GPHN: variants seen among roughly 807,000 people sequenced by gnomAD.
GPHN encodes gephyrin.
A neutral mutation model predicts 95.5 loss-of-function variants in GPHN; 17 were observed. The ratio of observed to expected loss-of-function variants is 0.18; its 90% CI spans 0.12 to 0.27. GPHN has a LOEUF of 0.27. Ranked by LOEUF, GPHN falls within the 10% of genes least tolerant of loss-of-function variation. The pLI, the probability that GPHN is intolerant of heterozygous loss-of-function variation, is 1.00. For missense variants in GPHN, 660 were observed against 978.1 expected, an observed-to-expected ratio of 0.67 and a Z score of 4.34; for synonymous variants, 320 against 322.5, an observed-to-expected ratio of 0.99 and a Z score of 0.08.
chr14:66,861,105 A>G (rs1042021100), intron 4 of GPHN, among the ~76,000 whole-genome samples: 12 of 152,108 alleles, frequency 7.9e-5, no homozygotes, highest in East Asian at 5.8e-4. Flanking sequence ...AATGAATGAA[A>G]AAACAAGACT....
the GPHN span, chr14:67,254,218 A>G: frequency 7.5e-6 from 1 of 133,956 alleles, no homozygotes; most frequent in Admixed American, 7.9e-5. Flanking sequence ...TAAGTTTCTT[A>G]AGGATACGGA....
In GPHN at chr14:66,842,898, C is replaced by T. The variant is rs111857389; in HGVS notation, c.294+18332C>T. On this transcript the variant is annotated intron_variant, in intron 4 of 22. Coordinates refer to ENST00000478722, the MANE Select transcript of GPHN (RefSeq NM_020806.5). ...TATCCCTGGGCAATAGAGTTCAGAT[C>T]CATCTGCTATTTCCATTTGTGTGCT... is the stretch of plus-strand genomic sequence containing the variant. Among the ~76,000 whole-genome samples the T allele has an allele frequency of 1.5e-3, 230 of 152,190 alleles. 1 individual carries two copies. The highest frequency in any genetic ancestry group is 5.5e-3 in the African/African-American group (228 of 41,526).
intron 1 of GPHN, among the ~76,000 whole-genome samples, chr14:66,631,443 A>G (rs183236867): frequency 3.0e-4 from 46 of 152,268 alleles, no homozygotes; most frequent in African/African-American, 1.1e-3. Flanking sequence ...AACTTCAAGT[A>G]ATTTTTGTTT....
the GPHN span, among the ~76,000 whole-genome samples, chr14:67,544,500 C>A: frequency 6.6e-6 from 1 of 152,156 alleles, no homozygotes; most frequent in Non-Finnish European, 1.5e-5. Context: ...AGGAAATAAT[C>A]TACAATGAGT....
intron 1 of GPHN, among the ~76,000 whole-genome samples, chr14:66,529,234 A>G (rs899077019): frequency 6.6e-6 from 1 of 150,878 alleles, no homozygotes; most frequent in African/African-American, 2.4e-5. Context: ...CTCTGATATC[A>G]TTTCTTCTGC....
the GPHN span, among the ~76,000 whole-genome samples, chr14:67,495,184 G>A: frequency 6.6e-6 from 1 of 152,174 alleles, no homozygotes; most frequent in Non-Finnish European, 1.5e-5. Flanking sequence ...GGTCATCAGA[G>A]GTCTCCACTG....
At chr14:67,678,142 C>G in the GPHN span, 1 of 545,988 alleles carries the variant, frequency 1.8e-6, no homozygotes, top group East Asian at 3.1e-5. Flanking sequence ...CTGGACATGA[C>G]AGACATTTAG....
chr14:67,016,327 TATA>T (rs1804074436), intron 9 of GPHN, among the ~76,000 whole-genome samples: 2 of 151,930 alleles, frequency 1.3e-5, no homozygotes, highest in East Asian at 1.9e-4. Context: ...CAAACTGCAA[TATA>T]ATAATAAATG....
chr14:67,095,966 C>CAAA, intron 12 of GPHN, among the ~76,000 whole-genome samples: 3 of 67,082 alleles, frequency 4.5e-5, no homozygotes, highest in Non-Finnish European at 7.1e-5. Context: ...AAGAAAAAGG[C>CAAA]AAAAAAAAAA....
chr14:66,723,531 C>T (rs951017905), intron 2 of GPHN, among the ~76,000 whole-genome samples: 3 of 151,964 alleles, frequency 2.0e-5, no homozygotes, highest in Non-Finnish European at 4.4e-5. Flanking sequence ...AGACAAGTAT[C>T]TAAAATATCA....
chr14:67,246,090 A>G, the GPHN span, among the ~76,000 whole-genome samples: 1 of 151,722 alleles, frequency 6.6e-6, no homozygotes, highest in African/African-American at 2.4e-5. Flanking sequence ...GGACTCTTCA[A>G]TTGATCTATT....
intron 2 of GPHN, among the ~76,000 whole-genome samples, chr14:66,692,312 A>G (rs2067833361): frequency 6.6e-6 from 1 of 152,182 alleles, no homozygotes; most frequent in African/African-American, 2.4e-5. Flanking sequence ...TTTACATGGA[A>G]GGAGTGAGGA....
chr14:67,538,750 G>C, the GPHN span, among the ~76,000 whole-genome samples: 1 of 152,128 alleles, frequency 6.6e-6, no homozygotes. Flanking sequence ...GCCAGGGAGA[G>C]GGTGGTTAAT....
intron 8 of GPHN, among the ~76,000 whole-genome samples, chr14:66,946,818 C>G (rs1243209437): frequency 1.3e-5 from 2 of 152,186 alleles, no homozygotes; most frequent in Non-Finnish European, 2.9e-5. Flanking sequence ...TCCTGTGAGA[C>G]TTATTGGTGA....
At chr14:66,713,383 G>A (rs539124581) in intron 2 of GPHN, among the ~76,000 whole-genome samples, 2 of 152,252 alleles carry the variant, frequency 1.3e-5, no homozygotes, top group African/African-American at 4.8e-5. Context: ...ACCATTTCTT[G>A]AAAAGGGTGT....
chr14:67,248,494 A>T, the GPHN span, among the ~76,000 whole-genome samples: 21 of 152,324 alleles, frequency 1.4e-4, no homozygotes, highest in African/African-American at 4.6e-4. Context: ...TTATGATATA[A>T]CATTATAAAA....
chr14:66,768,023 A>T (rs540192294), intron 2 of GPHN, among the ~76,000 whole-genome samples: 14 of 152,012 alleles, frequency 9.2e-5, no homozygotes, highest in Non-Finnish European at 1.9e-4. Flanking sequence ...TCATAAATAT[A>T]TGGATCTATT....
At chr14:67,098,810 G>A (rs1187027853) in intron 12 of GPHN, among the ~76,000 whole-genome samples, 12 of 142,142 alleles carry the variant, frequency 8.4e-5, no homozygotes, top group East Asian at 4.1e-4. Context: ...CAGCAAGAGC[G>A]AAACTCCATC....
At chr14:66,915,866 G>C in intron 5 of GPHN, 137 bp from the exon 6 acceptor site, 1 of 704,888 alleles carries the variant, frequency 1.4e-6, no homozygotes, top group Non-Finnish European at 2.6e-6. Flanking sequence ...AGCAAGCAGT[G>C]AATGTCTTAA....
Sources: allele counts gnomAD v4.1 joint callset (sites outside exome capture counted in the v4.1 genomes callset), GRCh38; gene constraint gnomAD v4.1.1; transcripts MANE v1.5; gene names NCBI Gene and HGNC (gene_info 2026-07-23, HGNC 2026-07-21).